PPM1L: variants seen among roughly 807,000 people sequenced by gnomAD.
PPM1L encodes the protein protein phosphatase, Mg2+/Mn2+ dependent 1L.
PPM1L carries 13 observed loss-of-function variants against 31.4 expected under a neutral mutation model. The ratio of observed to expected loss-of-function variants is 0.41; its 90% CI spans 0.27 to 0.66. The LOEUF (loss-of-function observed/expected upper bound fraction) is 0.66, where lower values mean the gene tolerates loss of function less well. PPM1L is among the 30% of genes least tolerant of loss of function. The pLI, the probability that PPM1L is intolerant of heterozygous loss-of-function variation, is 0.29. For synonymous variants in PPM1L, 184 were observed against 175.4 expected (o/e 1.05, Z -0.39); for missense variants, 326 against 453.7 (o/e 0.72, Z 2.56).
At chr3:161,062,841 C>T (rs1267035455) in intron 2 of PPM1L, among the ~76,000 whole-genome samples, 1 of 152,158 alleles carries the variant, frequency 6.6e-6, no homozygotes, top group Non-Finnish European at 1.5e-5. Context: ...TAAAGCCTTT[C>T]CTTGGATCCC....
chr3:160,936,039 C>T (rs1714959993), intron 1 of PPM1L, among the ~76,000 whole-genome samples: 1 of 152,082 alleles, frequency 6.6e-6, no homozygotes, highest in South Asian at 2.1e-4. Flanking sequence ...GGTCGTTGTT[C>T]TAGATGTTTT....
intron 2 of PPM1L, among the ~76,000 whole-genome samples, chr3:161,009,005 G>A (rs933049406): frequency 9.2e-5 from 14 of 152,186 alleles, no homozygotes; most frequent in African/African-American, 3.1e-4. Flanking sequence ...TTCTGTGGAA[G>A]GAGCCCTGGG....
chr3:160,885,758 C>A (rs1712894373), intron 1 of PPM1L, among the ~76,000 whole-genome samples: 1 of 152,260 alleles, frequency 6.6e-6, no homozygotes, highest in Admixed American at 6.5e-5. Flanking sequence ...GCCACGGGGT[C>A]TAGGGTCCCA....
intron 1 of PPM1L, among the ~76,000 whole-genome samples, chr3:160,875,735 G>C (rs1389410180): frequency 6.6e-6 from 1 of 152,092 alleles, no homozygotes; most frequent in Non-Finnish European, 1.5e-5. Flanking sequence ...AACACATTTA[G>C]GTTAAGTAAA....
intron 1 of PPM1L, among the ~76,000 whole-genome samples, chr3:160,818,616 TAG>T (rs1713064599): frequency 6.6e-6 from 1 of 152,084 alleles, no homozygotes; most frequent in African/African-American, 2.4e-5. Context: ...TTCCACTTGA[TAG>T]AGTCATTTTC....
intron 2 of PPM1L, among the ~76,000 whole-genome samples, chr3:161,003,079 C>G (rs1171328622): frequency 1.6e-4 from 22 of 137,544 alleles, no homozygotes; most frequent in South Asian, 4.9e-4. Flanking sequence ...TTCCCAGCAC[C>G]ATTTATTAAA....
At chr3:161,065,001 C>A (rs983279484) in intron 2 of PPM1L, among the ~76,000 whole-genome samples, 3 of 151,972 alleles carry the variant, frequency 2.0e-5, no homozygotes, top group African/African-American at 7.3e-5. Context: ...GCCCACCGCA[C>A]ACCCCCATCC....
At chr3:160,949,611 G>A (rs1414480839) in intron 1 of PPM1L, among the ~76,000 whole-genome samples, 1 of 152,072 alleles carries the variant, frequency 6.6e-6, no homozygotes, top group African/African-American at 2.4e-5. Flanking sequence ...CATTAAGCCT[G>A]GTTTTAAAGC....
chr3:161,052,808 G>A (rs1401567570), intron 2 of PPM1L, among the ~76,000 whole-genome samples: 1 of 152,130 alleles, frequency 6.6e-6, no homozygotes, highest in Non-Finnish European at 1.5e-5. Flanking sequence ...TAACAAAAAG[G>A]TTAAAGAAAG....
intron 1 of PPM1L, among the ~76,000 whole-genome samples, chr3:160,761,581 G>A (rs1293666047): frequency 6.6e-6 from 1 of 152,158 alleles, no homozygotes; most frequent in Non-Finnish European, 1.5e-5. Flanking sequence ...TAGCAAATGT[G>A]CAGACTTTTA....
chr3:160,857,176 T>C (rs1233728799), intron 1 of PPM1L, among the ~76,000 whole-genome samples: 1 of 152,202 alleles, frequency 6.6e-6, no homozygotes, highest in Non-Finnish European at 1.5e-5. Context: ...TTTTTTTGCT[T>C]CCAAAAGGTC....
intron 1 of PPM1L, among the ~76,000 whole-genome samples, chr3:160,806,383 C>T (rs535238369): frequency 6.6e-6 from 1 of 152,228 alleles, no homozygotes; most frequent in South Asian, 2.1e-4. Flanking sequence ...CCCTTCATTG[C>T]TCTGTACATC....
At chr3:161,009,034 A>G (rs1717802173) in intron 2 of PPM1L, among the ~76,000 whole-genome samples, 1 of 152,226 alleles carries the variant, frequency 6.6e-6, no homozygotes, top group South Asian at 2.1e-4. Flanking sequence ...GGGTGGGGAC[A>G]TAGGGAAGAA....
At chr3:160,898,642 C>T (rs2108051676) in intron 1 of PPM1L, among the ~76,000 whole-genome samples, 1 of 152,314 alleles carries the variant, frequency 6.6e-6, no homozygotes, top group South Asian at 2.1e-4. Context: ...GCCGTCAGTT[C>T]TGGCCCTTCT....
rs1427664296 is a variant in PPM1L, at chr3:160,944,757, TTA to T, written c.400-16972_400-16971del. Among the ~76,000 whole-genome samples, 5 of 79,154 alleles carry T rather than the reference TTA, an allele frequency of 6.3e-5. 2 individuals carry two copies. Among genetic ancestry groups the T allele is most frequent in the South Asian group, 3.1e-4 (1 of 3,202 alleles). 51.9% of individuals were successfully genotyped at this position (79,154 alleles called of 152,430 possible). On this transcript the variant is annotated intron_variant, in intron 1 of 3. Coordinates refer to ENST00000498165, the MANE Select transcript of PPM1L (RefSeq NM_139245.4). ...TGTTATATATTATATAATATATATG[TTA>T]TATATAACATGTTATATATTATATT...
intron 1 of PPM1L, among the ~76,000 whole-genome samples, chr3:160,881,762 T>TG (rs1232217334): frequency 2.6e-5 from 4 of 152,162 alleles, no homozygotes; most frequent in African/African-American, 9.7e-5. Context: ...GTAAGAGGTA[T>TG]GTATTCCGGC....
chr3:160,890,671 A>G (rs1043583500), intron 1 of PPM1L, among the ~76,000 whole-genome samples: 5 of 152,206 alleles, frequency 3.3e-5, no homozygotes, highest in Non-Finnish European at 5.9e-5. Context: ...TATAGCCAAG[A>G]CAATCCTAAG....
At chr3:160,858,989 G>A (rs923347714) in intron 1 of PPM1L, among the ~76,000 whole-genome samples, 3 of 152,250 alleles carry the variant, frequency 2.0e-5, no homozygotes, top group Non-Finnish European at 2.9e-5. Context: ...TATACTTCCC[G>A]TGGCCACTGG....
rs1451713205 is a variant in PPM1L at position 161,076,257 on chromosome 3, C to G, written c.*7100C>G. On this transcript the variant is annotated 3_prime_UTR_variant, in exon 4 of 4. Transcript: ENST00000498165. ...AAATTCCCATTTGTCTATCTTAGGA[C>G]AAATGATGACTTCTTCGTGTAGTAA... 1 of 152,146 alleles carries G rather than the reference C, an allele frequency of 6.6e-6. No individual in the cohort carries two copies. Among genetic ancestry groups the G allele is most frequent in the Admixed American group, 6.5e-5 (1 of 15,278 alleles). 9.4% of individuals were successfully genotyped at this position (152,146 alleles called of 1,614,324 possible).
Sources: gnomAD v4.1 joint callset for allele counts (sites outside exome capture counted in the v4.1 genomes callset) on GRCh38, gnomAD v4.1.1 for gene constraint, MANE v1.5 for transcripts, NCBI Gene and HGNC (gene_info 2026-07-23, HGNC 2026-07-21) for gene names.